The following NCOA1 variants were observed in gnomAD, a reference collection of about 807,000 sequenced individuals.
NCOA1 encodes nuclear receptor coactivator 1, also known as Hin-2 protein.
A neutral mutation model predicts 150.9 loss-of-function variants in NCOA1; 35 were observed. The ratio of observed to expected loss-of-function variants is 0.23; its 90% confidence interval spans 0.18 to 0.31. The LOEUF is 0.31. Ranked by LOEUF, NCOA1 falls within the 10% of genes least tolerant of loss-of-function variation. The pLI is 1.00. For synonymous variants in NCOA1, 590 were observed against 630.0 expected, an observed-to-expected ratio of 0.94 and a Z score of 0.95; for missense variants, 1,491 against 1,749.3, an observed-to-expected ratio of 0.85 and a Z score of 2.63.
At chr2:24,589,348 T>C (rs1667548319) in intron 3 of NCOA1, among the ~76,000 whole-genome samples, 1 of 152,194 alleles carries the variant, frequency 6.6e-6, no homozygotes. Context: ...CTGAGCCTGG[T>C]ATTCTCTCTT....
intron 3 of NCOA1, among the ~76,000 whole-genome samples, chr2:24,594,552 A>G (rs867917755): frequency 6.6e-6 from 1 of 152,172 alleles, no homozygotes; most frequent in Non-Finnish European, 1.5e-5. Flanking sequence ...GATGTACATC[A>G]GAAACTAAAC....
At chr2:24,599,314 A>C (rs556482484) in intron 3 of NCOA1, among the ~76,000 whole-genome samples, 2 of 152,336 alleles carry the variant, frequency 1.3e-5, no homozygotes, top group South Asian at 4.1e-4. Flanking sequence ...CTTCCTATTA[A>C]GGGATGTTAT....
chr2:24,659,632 C>T (rs563307582), intron 5 of NCOA1, among the ~76,000 whole-genome samples: 1 of 152,290 alleles, frequency 6.6e-6, no homozygotes, highest in African/African-American at 2.4e-5. Context: ...GAGCAGCTAG[C>T]TTCCTACCTG....
chr2:24,542,610 A>G (rs11691065), intron 1 of NCOA1, among the ~76,000 whole-genome samples: 22,324 of 152,160 alleles, frequency 0.15, 1,999 homozygotes, highest in Non-Finnish European at 0.2. Context: ...GCCAAATAGC[A>G]TTGGTTTTGG....
intron 2 of NCOA1, among the ~76,000 whole-genome samples, chr2:24,574,721 A>G (rs1666881924): frequency 6.6e-6 from 1 of 152,056 alleles, no homozygotes. Flanking sequence ...CTGTTGTCTG[A>G]AAACATTTCC....
chr2:24,737,462 C>G (rs1245543278), intron 17 of NCOA1, among the ~76,000 whole-genome samples: 1 of 152,164 alleles, frequency 6.6e-6, no homozygotes, highest in African/African-American at 2.4e-5. Flanking sequence ...GGCATCTTTC[C>G]TCCATCCCTA....
intron 7 of NCOA1, among the ~76,000 whole-genome samples, chr2:24,678,956 G>A (rs1202798096): frequency 2.6e-5 from 4 of 152,114 alleles, no homozygotes; most frequent in Non-Finnish European, 4.4e-5. Context: ...ATCTCTGCCC[G>A]TGCCTATGTA....
intron 11 of NCOA1, among the ~76,000 whole-genome samples, chr2:24,699,207 C>T (rs531369146): frequency 2.0e-5 from 3 of 152,124 alleles, no homozygotes; most frequent in Non-Finnish European, 2.9e-5. Flanking sequence ...CTGAAGTTCT[C>T]GAGTTTATGG....
At chr2:24,517,029 C>T (rs865920779) in intron 1 of NCOA1, among the ~76,000 whole-genome samples, 1 of 67,248 alleles carries the variant, frequency 1.5e-5, no homozygotes, top group Non-Finnish European at 4.0e-5. Context: ...CACACACACA[C>T]CCCATTTTGT....
intron 1 of NCOA1, among the ~76,000 whole-genome samples, chr2:24,516,322 A>G (rs956967687): frequency 6.7e-6 from 1 of 150,238 alleles, no homozygotes; most frequent in Admixed American, 6.7e-5. Context: ...CCTCCCGAGT[A>G]GCTGGGACTA....
chr2:24,725,717 G>A (rs1674582277), intron 14 of NCOA1, among the ~76,000 whole-genome samples: 1 of 9,350 alleles, frequency 1.1e-4, no homozygotes, highest in Admixed American at 4.7e-3. Flanking sequence ...AAGTGTGCGT[G>A]TGTGTGTGTG....
chr2:24,763,782 G>A (rs865872078), intron 22 of NCOA1, among the ~76,000 whole-genome samples: 6 of 151,388 alleles, frequency 4.0e-5, no homozygotes, highest in African/African-American at 1.2e-4. Context: ...CACCATGCCC[G>A]GCTAATTTTT....
chr2:24,600,998 A>G (rs1668088752), intron 3 of NCOA1, among the ~76,000 whole-genome samples: 1 of 152,212 alleles, frequency 6.6e-6, no homozygotes, highest in African/African-American at 2.4e-5. Context: ...CAGTATGGAA[A>G]TATTATCTAG....
At chr2:24,760,143 CT>C (rs1214234878) in intron 21 of NCOA1, among the ~76,000 whole-genome samples, 61 of 125,888 alleles carry the variant, frequency 4.8e-4, no homozygotes, top group Non-Finnish European at 6.9e-4. Flanking sequence ...TTTTTTTTTT[CT>C]TTTTTTTTTT....
intron 3 of NCOA1, among the ~76,000 whole-genome samples, chr2:24,632,153 G>C (rs996876667): frequency 1.3e-5 from 2 of 152,134 alleles, no homozygotes; most frequent in Admixed American, 6.5e-5. Flanking sequence ...AATCCAGGGA[G>C]ACTAGGAGAA....
intron 18 of NCOA1, among the ~76,000 whole-genome samples, chr2:24,740,543 G>A (rs902665251): frequency 2.0e-5 from 3 of 152,122 alleles, no homozygotes; most frequent in Non-Finnish European, 2.9e-5. Flanking sequence ...TGGGACCACC[G>A]AATTTGGTCC....
Position 24,762,681 on chromosome 2 carries a change from T to C in NCOA1, c.4066-6T>C, listed in dbSNP as rs548631550. 3 of 1,611,714 alleles carry C rather than the reference T, an allele frequency of 1.9e-6. No individual in the cohort carries two copies. The highest frequency in any genetic ancestry group is 2.5e-6 in the Non-Finnish European group (3 of 1,178,196). Reference sequence around the variant, plus strand: ...TGTAATTTGATCTTGTATTTATCTTTAATAGATAAATGATCCCGCACTGAG... The same window carrying C: ...TGTAATTTGATCTTGTATTTATCTTCAATAGATAAATGATCCCGCACTGAG... On this transcript the variant is annotated splice_polypyrimidine_tract_variant and splice_region_variant and intron_variant, in intron 21 of 22. Transcript: ENST00000348332.
intron 1 of NCOA1, among the ~76,000 whole-genome samples, chr2:24,551,927 C>A (rs1020346579): frequency 3.3e-5 from 5 of 151,888 alleles, no homozygotes; most frequent in Non-Finnish European, 1.5e-5. Context: ...ATTGAGTTAC[C>A]CTGGTACTTT....
chr2:24,559,779 G>A (rs374536422), intron 1 of NCOA1, among the ~76,000 whole-genome samples: 1 of 146,936 alleles, frequency 6.8e-6, no homozygotes, highest in Admixed American at 6.8e-5. Flanking sequence ...TCCACCACCT[G>A]GCAGAGGTTC....
Sources: gnomAD v4.1 joint callset for allele counts (sites outside exome capture counted in the v4.1 genomes callset) on GRCh38, gnomAD v4.1.1 for gene constraint, MANE v1.5 for transcripts, NCBI Gene and HGNC (gene_info 2026-07-23, HGNC 2026-07-21) for gene names.